EPB41L2: variants seen among roughly 807,000 people sequenced by gnomAD.
EPB41L2 encodes erythrocyte membrane protein band 4.1 like 2, also known as band 4.1-like protein 2.
A neutral mutation model predicts 113.0 loss-of-function variants in EPB41L2; 43 were observed. The observed-to-expected ratio is 0.38, with a 90% CI of 0.30 to 0.49. EPB41L2 has a LOEUF of 0.49. Ranked by LOEUF, EPB41L2 falls within the 20% of genes least tolerant of loss-of-function variation. EPB41L2 has a pLI of 0.95. For synonymous variants in EPB41L2, 442 were observed against 436.7 expected, an observed-to-expected ratio of 1.01 and a Z score of -0.15; for missense variants, 1,147 against 1,223.4, an observed-to-expected ratio of 0.94 and a Z score of 0.93.
At chr6:130,892,005 GC>G (rs570753800) in intron 10 of EPB41L2, among the ~76,000 whole-genome samples, 34 of 152,236 alleles carry the variant, frequency 2.2e-4, no homozygotes, top group African/African-American at 7.5e-4. Context: ...GCAGCGTTAT[GC>G]AAGGTTTAAA....
intron 1 of EPB41L2, among the ~76,000 whole-genome samples, chr6:130,976,436 T>C (rs1001673178): frequency 6.6e-6 from 1 of 152,186 alleles, no homozygotes; most frequent in African/African-American, 2.4e-5. Context: ...TAGACTCATA[T>C]GTTCAATTAC....
intron 1 of EPB41L2, among the ~76,000 whole-genome samples, chr6:131,012,391 G>A (rs974175291): frequency 6.8e-6 from 1 of 147,864 alleles, no homozygotes; most frequent in Admixed American, 6.9e-5. Context: ...AGGATGTTTA[G>A]CAGCATGGCG....
intron 9 of EPB41L2, among the ~76,000 whole-genome samples, chr6:130,894,751 ATT>A (rs1794071247): frequency 6.6e-6 from 1 of 152,092 alleles, no homozygotes; most frequent in Non-Finnish European, 1.5e-5. Flanking sequence ...ACCTTATCAC[ATT>A]TTCTTTTTTG....
intron 3 of EPB41L2, among the ~76,000 whole-genome samples, chr6:130,951,760 G>A (rs1022765889): frequency 4.6e-5 from 7 of 151,742 alleles, no homozygotes; most frequent in African/African-American, 1.7e-4. Context: ...TATCAGCCTT[G>A]GCCATGAGAC....
At chr6:130,909,293 T>C (rs1798633002) in intron 4 of EPB41L2, among the ~76,000 whole-genome samples, 1 of 152,188 alleles carries the variant, frequency 6.6e-6, no homozygotes, top group Admixed American at 6.5e-5. Context: ...AGTATATACA[T>C]ACCAAGCGAA....
At chr6:131,031,672 A>G (rs989933836) in intron 1 of EPB41L2, among the ~76,000 whole-genome samples, 1 of 152,226 alleles carries the variant, frequency 6.6e-6, no homozygotes, top group African/African-American at 2.4e-5. Flanking sequence ...ATTTACAACC[A>G]AAAGAAACAA....
chr6:130,846,190 C>T (rs1432061731), intron 19 of EPB41L2, among the ~76,000 whole-genome samples: 1 of 152,168 alleles, frequency 6.6e-6, no homozygotes, highest in East Asian at 1.9e-4. Flanking sequence ...CAGCGAATGA[C>T]CCTTTTACTG....
intron 19 of EPB41L2, among the ~76,000 whole-genome samples, chr6:130,852,805 C>G (rs191063778): frequency 6.6e-6 from 1 of 152,300 alleles, no homozygotes; most frequent in East Asian, 1.9e-4. Flanking sequence ...CCATCGCTCT[C>G]CTACAAGTAT....
At position 130,899,502 on chromosome 6, in the gene EPB41L2, G is replaced by A; in HGVS notation, c.1225C>T (p.His409Tyr). ...TACATTTACAGTACCTTGGCATGAT[G>A]TAGGTCAACACCATACATGGAAAGC... ...KRLSMYGVDL[H>Y]HAKDSEGVDI... The change falls in exon 8 of 20, where the codon CAT (histidine) becomes TAT (tyrosine). Residue 409 changes from histidine (H) to tyrosine (Y), a missense_variant. By Grantham distance (83) the His-to-Tyr change is moderately conservative. Coordinates refer to ENST00000337057, the MANE Select transcript of EPB41L2 (RefSeq NM_001431.4). 1 of 1,613,672 alleles carries A rather than the reference G, an allele frequency of 6.2e-7. No homozygotes were observed. The highest frequency in any genetic ancestry group is 2.2e-5 in the East Asian group (1 of 44,862).
intron 1 of EPB41L2, among the ~76,000 whole-genome samples, chr6:131,011,857 G>A (rs1787064341): frequency 6.6e-6 from 1 of 152,142 alleles, no homozygotes; most frequent in South Asian, 2.1e-4. Flanking sequence ...TGGGTGCTAA[G>A]TTAGGACTGG....
intron 13 of EPB41L2, chr6:130,878,598 C>A: frequency 5.4e-6 from 1 of 186,358 alleles, no homozygotes; most frequent in Non-Finnish European, 1.1e-5. Flanking sequence ...CCTTCCAGTA[C>A]CTGGATTTGA....
intron 1 of EPB41L2, among the ~76,000 whole-genome samples, chr6:131,012,662 A>G (rs1787310662): frequency 6.6e-6 from 1 of 151,966 alleles, no homozygotes; most frequent in Non-Finnish European, 1.5e-5. Flanking sequence ...GGGAAAAAAA[A>G]TGAAAATTAA....
At chr6:130,884,091 T>C (rs1790139089) in intron 12 of EPB41L2, among the ~76,000 whole-genome samples, 1 of 152,166 alleles carries the variant, frequency 6.6e-6, no homozygotes, top group African/African-American at 2.4e-5. Flanking sequence ...TCCCAGCACT[T>C]TGGGAAGCTG....
intron 1 of EPB41L2, among the ~76,000 whole-genome samples, chr6:131,048,848 C>A (rs1009798845): frequency 2.0e-5 from 3 of 151,858 alleles, no homozygotes; most frequent in Non-Finnish European, 4.4e-5. Context: ...TAATCAGATA[C>A]TACATGGCTT....
At chr6:130,947,573 A>G (rs1365868656) in intron 3 of EPB41L2, among the ~76,000 whole-genome samples, 4 of 152,178 alleles carry the variant, frequency 2.6e-5, no homozygotes, top group Admixed American at 6.5e-5. Context: ...ACAGTTTCCC[A>G]TATCTACTTC....
intron 5 of EPB41L2, among the ~76,000 whole-genome samples, chr6:130,904,751 T>C (rs1797237568): frequency 6.6e-6 from 1 of 152,064 alleles, no homozygotes; most frequent in East Asian, 1.9e-4. Context: ...TAAGCCACCA[T>C]TAAAGAGTAA....
In EPB41L2 at chr6:130,867,590, G is replaced by GA. The variant is rs750572214; in HGVS notation, c.2608-10dup. On this transcript the variant is annotated splice_polypyrimidine_tract_variant and intron_variant, in intron 15 of 19. Transcript: ENST00000337057. Reference sequence around the variant, plus strand: ...GTTTTTACCACTGGTGGCTGAGGTGGAAAAGGAAGGGAAAAATAAATTCTA... The same window carrying GA: ...GTTTTTACCACTGGTGGCTGAGGTGGAAAAAGGAAGGGAAAAATAAATTCTA... The GA allele has an allele frequency of 1.2e-6, 2 of 1,613,584 alleles. No individual in the cohort carries two copies. The highest frequency in any genetic ancestry group is 2.2e-5 in the South Asian group (2 of 91,056).
intron 19 of EPB41L2, among the ~76,000 whole-genome samples, chr6:130,855,711 A>G (rs992510030): frequency 3.5e-4 from 54 of 152,222 alleles, no homozygotes; most frequent in Non-Finnish European, 6.5e-4. Flanking sequence ...AAGGAAAAGA[A>G]GGCAATATTA....
intron 6 of EPB41L2, among the ~76,000 whole-genome samples, chr6:130,903,469 A>G (rs1486403206): frequency 6.6e-6 from 1 of 151,938 alleles, no homozygotes; most frequent in African/African-American, 2.4e-5. Context: ...GCTATTTCAC[A>G]TGGATATTAT....
Sources: allele counts gnomAD v4.1 joint callset (sites outside exome capture counted in the v4.1 genomes callset), GRCh38; gene constraint gnomAD v4.1.1; transcripts MANE v1.5; gene names NCBI Gene and HGNC (gene_info 2026-07-23, HGNC 2026-07-21).